ARHGEF28: variants seen among roughly 807,000 people sequenced by gnomAD.
ARHGEF28 encodes 190 kDa guanine nucleotide exchange factor.
In ARHGEF28, 152 loss-of-function variants were observed where a neutral mutation model predicts 206.6. The observed-to-expected ratio is 0.74, with a 90% CI of 0.64 to 0.84. The LOEUF (loss-of-function observed/expected upper bound fraction) is 0.84. ARHGEF28 is among the 40% of genes least tolerant of loss of function. The probability of loss-of-function intolerance (pLI) is 0.00; values close to 1 mark genes in which losing one functional copy is unlikely to be tolerated. For synonymous variants in ARHGEF28, 763 were observed against 776.4 expected, an observed-to-expected ratio of 0.98 and a Z score of 0.29; for missense variants, 2,028 against 2,073.2, an observed-to-expected ratio of 0.98 and a Z score of 0.42.
At chr5:73,931,717 G>C (rs1342830427) in intron 35 of ARHGEF28, among the ~76,000 whole-genome samples, 1 of 152,188 alleles carries the variant, frequency 6.6e-6, no homozygotes, top group Non-Finnish European at 1.5e-5. Context: ...GTTCTTTGAA[G>C]ATAGTAACTA....
intron 15 of ARHGEF28, 125 bp downstream of exon 15, chr5:73,857,904 G>T: frequency 7.2e-7 from 1 of 1,390,966 alleles, no homozygotes. Flanking sequence ...TATTTCTTAT[G>T]GAATATTGCT....
rs16870708 is a variant in ARHGEF28, at chr5:73,694,984, C to T, written c.33+10100C>T. On this transcript the variant is annotated intron_variant, in intron 2 of 35. Transcript: ENST00000513042. Reference sequence around the variant, plus strand: ...TAGTATGGGTTAGGACAATACAAGGCTATGACATGGCAGAGAATTGTGTGT... The same window carrying T: ...TAGTATGGGTTAGGACAATACAAGGTTATGACATGGCAGAGAATTGTGTGT... Among the ~76,000 whole-genome samples, 756 of 152,338 alleles carry T rather than the reference C, an allele frequency of 5.0e-3. 5 individuals carry two copies. The highest frequency in any genetic ancestry group is 0.018 in the African/African-American group (737 of 41,574).
At chr5:73,930,408 C>G (rs1002114423) in intron 35 of ARHGEF28, among the ~76,000 whole-genome samples, 3 of 152,144 alleles carry the variant, frequency 2.0e-5, no homozygotes, top group African/African-American at 7.2e-5. Context: ...ATTTCCTGTT[C>G]ATAAAAGTTT....
chr5:73,774,467 T>C (rs1753429304), intron 5 of ARHGEF28, among the ~76,000 whole-genome samples: 1 of 152,240 alleles, frequency 6.6e-6, no homozygotes, highest in Non-Finnish European at 1.5e-5. Flanking sequence ...GGACTATTTC[T>C]GTTTTACCCA....
intron 2 of ARHGEF28, among the ~76,000 whole-genome samples, chr5:73,721,990 G>A (rs1030479290): frequency 1.2e-4 from 19 of 152,206 alleles, no homozygotes; most frequent in African/African-American, 4.3e-4. Flanking sequence ...TTTCTTTGCA[G>A]GTTTAGGCAC....
intron 2 of ARHGEF28, among the ~76,000 whole-genome samples, chr5:73,740,817 C>T (rs1052648525): frequency 2.0e-5 from 3 of 152,178 alleles, no homozygotes; most frequent in African/African-American, 4.8e-5. Flanking sequence ...GGACCATACT[C>T]ACTCTTAATG....
intron 23 of ARHGEF28, among the ~76,000 whole-genome samples, chr5:73,882,983 T>G (rs1351424997): frequency 1.3e-5 from 2 of 152,112 alleles, no homozygotes; most frequent in Non-Finnish European, 2.9e-5. Flanking sequence ...TTTCTCCAGA[T>G]GAAAAAGTTA....
intron 1 of ARHGEF28, among the ~76,000 whole-genome samples, chr5:73,683,506 G>A (rs1384056390): frequency 2.0e-5 from 3 of 151,980 alleles, no homozygotes; most frequent in Non-Finnish European, 4.4e-5. Context: ...ATGTTGTCAA[G>A]GCTTGTCCAA....
chr5:73,725,061 T>TA (rs1232626483), intron 2 of ARHGEF28, among the ~76,000 whole-genome samples: 8 of 150,998 alleles, frequency 5.3e-5, no homozygotes, highest in Non-Finnish European at 8.8e-5. Context: ...CCAAAAAGGT[T>TA]AAAAAAAACC....
At position 73,930,798 on chromosome 5, in the gene ARHGEF28, T is replaced by G; in HGVS notation, c.4949-10046T>G. On this transcript the variant is annotated intron_variant, in intron 35 of 35. Transcript: ENST00000513042. The stretch of plus-strand genomic sequence containing the variant: ...AGTGTTATTTTACACATACTCAATA[T>G]AGTCAACATCTATCCGCTTCATTTT... Among the ~76,000 whole-genome samples the G allele has an allele frequency of 1.3e-5, 2 of 152,212 alleles. 1 individual carries two copies. Among genetic ancestry groups the G allele is most frequent in the African/African-American group, 4.8e-5 (2 of 41,448 alleles).
At chr5:73,709,291 A>G (rs186698424) in intron 2 of ARHGEF28, among the ~76,000 whole-genome samples, 2,416 of 151,946 alleles carry the variant, frequency 0.016, 81 homozygotes, top group African/African-American at 0.055. Context: ...CCACAGAACC[A>G]TATAAAACAC....
At chr5:73,916,695 T>A (rs282409) in intron 35 of ARHGEF28, among the ~76,000 whole-genome samples, 1 of 152,100 alleles carries the variant, frequency 6.6e-6, no homozygotes, top group Non-Finnish European at 1.5e-5. Flanking sequence ...GTTAGGACCT[T>A]AACATGTGAA....
chr5:73,755,486 T>C (rs1163273132), intron 4 of ARHGEF28, among the ~76,000 whole-genome samples: 1 of 152,156 alleles, frequency 6.6e-6, no homozygotes, highest in African/African-American at 2.4e-5. Context: ...GCGGTTTAAT[T>C]TGTGCCTCTG....
intron 29 of ARHGEF28, among the ~76,000 whole-genome samples, chr5:73,897,120 C>T (rs1380220879): frequency 6.6e-6 from 1 of 152,214 alleles, no homozygotes; most frequent in Non-Finnish European, 1.5e-5. Context: ...GTCTCTTCCT[C>T]TTGAAACCCA....
At chr5:73,857,093 A>G (rs1010916028) in intron 14 of ARHGEF28, among the ~76,000 whole-genome samples, 2 of 151,998 alleles carry the variant, frequency 1.3e-5, no homozygotes, top group Admixed American at 6.6e-5. Context: ...TCCACAACCT[A>G]GAGAGTCTCA....
At chr5:73,750,064 G>A in intron 3 of ARHGEF28, 80 bp downstream of exon 3, 3 of 1,537,664 alleles carry the variant, frequency 2.0e-6, no homozygotes, top group Non-Finnish European at 2.6e-6. Context: ...CAGGAAGAGA[G>A]CCAGGAAGAA....
In ARHGEF28 at chr5:73,668,422, A is replaced by G. The variant is rs542328116; in HGVS notation, c.-11-16419A>G. On this transcript the variant is annotated intron_variant, in intron 1 of 35. Transcript: ENST00000513042. ...TCCCATGGTGGAAGTTGGAATGGCA[A>G]GAGAGCATGACAGAGCAAGAGGGGG... 6.6e-5 allele frequency among the ~76,000 whole-genome samples: 10 copies of G among 152,332 alleles called. No homozygotes were observed. In the East Asian group the frequency reaches 1.5e-3, roughly 23 times the overall value.
At chr5:73,778,984 C>G (rs772545667) in intron 6 of ARHGEF28, among the ~76,000 whole-genome samples, 1 of 152,144 alleles carries the variant, frequency 6.6e-6, no homozygotes, top group Non-Finnish European at 1.5e-5. Flanking sequence ...TGTTTAGTCT[C>G]CGGGTTTGGG....
intron 7 of ARHGEF28, among the ~76,000 whole-genome samples, chr5:73,790,605 G>A (rs1302606111): frequency 1.3e-5 from 2 of 150,930 alleles, no homozygotes; most frequent in Non-Finnish European, 2.9e-5. Flanking sequence ...GTAAATAAGT[G>A]CCTCATTGTT....
Sources: allele counts gnomAD v4.1 joint callset (sites outside exome capture counted in the v4.1 genomes callset), GRCh38; gene constraint gnomAD v4.1.1; transcripts MANE v1.5; gene names NCBI Gene and HGNC (gene_info 2026-07-23, HGNC 2026-07-21).